The following IYD variants were observed in gnomAD, a reference collection of about 807,000 sequenced individuals.
IYD encodes the protein iodotyrosine deiodinase.
In IYD, 25 loss-of-function variants were observed where a neutral mutation model predicts 28.4. The observed-to-expected ratio is 0.88, with a 90% confidence interval of 0.64 to 1.23. The LOEUF (loss-of-function observed/expected upper bound fraction) is 1.23. IYD is among the 50% of genes most tolerant of loss of function. IYD has a pLI of 0.00. For missense variants in IYD, 352 were observed against 357.9 expected, an observed-to-expected ratio of 0.98 and a Z score of 0.13; for synonymous variants, 140 against 130.8, an observed-to-expected ratio of 1.07 and a Z score of -0.48.
chr6:150,369,721 C>T (rs1342940257), intron 1 of IYD, among the ~76,000 whole-genome samples: 1 of 152,196 alleles, frequency 6.6e-6, no homozygotes, highest in Non-Finnish European at 1.5e-5. Context: ...AACAAAGAGA[C>T]AGACCCGGTG....
At chr6:150,380,297 T>G (rs960170070) in intron 1 of IYD, among the ~76,000 whole-genome samples, 3 of 152,080 alleles carry the variant, frequency 2.0e-5, no homozygotes, top group African/African-American at 7.2e-5. Context: ...GTACCACCAT[T>G]CTCTCCCTAA....
Position 150,369,106 on chromosome 6 carries a change from A to T in IYD, c.75A>T (p.Arg25Ser). The T allele has an allele frequency of 6.2e-7, 1 of 1,613,902 alleles. No individual in the cohort carries two copies. Among genetic ancestry groups the T allele is most frequent in the Non-Finnish European group, 8.5e-7 (1 of 1,179,970 alleles). ...LVVWIFKNAD[R>S]SMEKKKGEPR... ...TGTGGATCTTTAAAAATGCCGACAG[A>T]AGCATGGAGAAAAAGAAGGGGGAGC... Residue 25 changes from arginine to serine, a missense_variant, in exon 1 of 5, where the codon AGA (arginine) becomes AGT (serine). Coordinates refer to ENST00000344419, the MANE Select transcript of IYD (RefSeq NM_203395.3).
At chr6:150,381,229 A>G (rs926135639) in intron 1 of IYD, among the ~76,000 whole-genome samples, 4 of 152,228 alleles carry the variant, frequency 2.6e-5, no homozygotes, top group African/African-American at 9.6e-5. Context: ...TGGTTTTGCT[A>G]TTGTACTTAC....
chr6:150,393,332 G>T (rs1320828859), intron 3 of IYD, among the ~76,000 whole-genome samples: 1 of 152,208 alleles, frequency 6.6e-6, no homozygotes, highest in Non-Finnish European at 1.5e-5. Context: ...GAAAAGAAAT[G>T]ATAATGGTCA....
rs921188896 is a variant in IYD, at chr6:150,400,555, C to G, written c.*2318C>G. ...ATACAGAGGATAAAGAAGTTAATGG[C>G]ATGGTGGAATAACCAAAATGTGTAT... On this transcript the variant is annotated 3_prime_UTR_variant, in exon 5 of 5. Transcript: ENST00000344419. The G allele has an allele frequency of 6.6e-6, 1 of 151,728 alleles. No homozygotes were observed. The highest frequency in any genetic ancestry group is 2.4e-5 in the African/African-American group (1 of 41,124). 9.4% of individuals were successfully genotyped at this position (151,728 alleles called of 1,614,324 possible). A position where few individuals can be genotyped will look rare whatever the true frequency, so the allele number is the denominator to read the frequency against.
intron 3 of IYD, among the ~76,000 whole-genome samples, chr6:150,393,207 T>C (rs1375499542): frequency 6.6e-6 from 1 of 152,200 alleles, no homozygotes; most frequent in Non-Finnish European, 1.5e-5. Context: ...CAAGAGTACA[T>C]TTTATAGAGG....
At chr6:150,373,227 A>G (rs758271751) in intron 1 of IYD, among the ~76,000 whole-genome samples, 19 of 152,244 alleles carry the variant, frequency 1.2e-4, no homozygotes, top group Non-Finnish European at 2.2e-4. Context: ...GTAACATCTG[A>G]GAACAAAAAT....
At position 150,401,293 on chromosome 6, in the gene IYD, T is replaced by G. The variant is rs1778502288; in HGVS notation, c.*3056T>G. 1 of 152,150 alleles carries G rather than the reference T, an allele frequency of 6.6e-6. No individual in the cohort carries two copies. The highest frequency in any genetic ancestry group is 2.4e-5 in the African/African-American group (1 of 41,434). 9.4% of individuals were successfully genotyped at this position (152,150 alleles called of 1,614,324 possible). On this transcript the variant is annotated 3_prime_UTR_variant, in exon 5 of 5. Coordinates refer to ENST00000344419, the MANE Select transcript of IYD (RefSeq NM_203395.3). ...CTTATTTCATTGGGTTGTTTTGGAA[T>G]GTCCCCCACTTGGAGAGTTTGAGGA...
chr6:150,369,097 T>G lies in IYD; in HGVS notation c.66T>G (p.Asn22Lys). 6.2e-7 allele frequency: 1 copy of G among 1,613,730 alleles called. No individual in the cohort carries two copies. The highest frequency in any genetic ancestry group is 1.1e-5 in the South Asian group (1 of 91,048). ...TTTTGGTTGTGTGGATCTTTAAAAA[T>G]GCCGACAGAAGCATGGAGAAAAAGA... Reference protein sequence around the residue: ...LCILVVWIFKNADRSMEKKKG... With the variant: ...LCILVVWIFKKADRSMEKKKG... The change falls in exon 1 of 5, where the codon AAT (asparagine) becomes AAG (lysine). Residue 22 changes from asparagine (N) to lysine (K), a missense_variant. Physicochemically the swap from Asn to Lys is moderately conservative, Grantham distance 94. Transcript: ENST00000344419.
At chr6:150,373,688 C>G (rs116711825) in intron 1 of IYD, among the ~76,000 whole-genome samples, 3,332 of 152,302 alleles carry the variant, frequency 0.022, 57 homozygotes, top group African/African-American at 0.038. Flanking sequence ...TCAGTGCTTT[C>G]TCCCTTCCAC....
intron 1 of IYD, among the ~76,000 whole-genome samples, chr6:150,380,446 G>A (rs778308496): frequency 1.3e-5 from 2 of 152,134 alleles, no homozygotes; most frequent in African/African-American, 2.4e-5. Context: ...TAGGACTTGC[G>A]CTGCTTCTTC....
intron 1 of IYD, among the ~76,000 whole-genome samples, chr6:150,387,969 GA>G (rs1777941807): frequency 6.6e-6 from 1 of 151,828 alleles, no homozygotes; most frequent in Non-Finnish European, 1.5e-5. Flanking sequence ...CCAGTATTTG[GA>G]GTCTTTGGGC....
intron 1 of IYD, among the ~76,000 whole-genome samples, chr6:150,381,622 C>T (rs1777651287): frequency 6.6e-6 from 1 of 152,200 alleles, no homozygotes; most frequent in Non-Finnish European, 1.5e-5. Flanking sequence ...GTCACAACCT[C>T]TTCTATTTCC....
At position 150,392,540 on chromosome 6, in the gene IYD, G is replaced by C. The variant is rs758715436; in HGVS notation, c.530+36G>C. On this transcript the variant is annotated intron_variant, in intron 3 of 4. Transcript: ENST00000344419. ...TGGTGGAACTGGGGATGTTTGCCTT[G>C]GCCTCTTAAAATAAAATCACCACCA... 22 of 1,609,834 alleles carry C rather than the reference G, an allele frequency of 1.4e-5. No homozygotes were observed. In the Admixed American group the frequency reaches 3.2e-4, roughly 23 times the overall value.
chr6:150,382,468 A>G (rs1777681370), intron 1 of IYD, among the ~76,000 whole-genome samples: 1 of 152,146 alleles, frequency 6.6e-6, no homozygotes, highest in Admixed American at 6.5e-5. Context: ...GACAATACTG[A>G]GTTTTAAAAT....
chr6:150,379,328 G>C (rs894544348), intron 1 of IYD, among the ~76,000 whole-genome samples: 5 of 152,168 alleles, frequency 3.3e-5, no homozygotes, highest in African/African-American at 1.2e-4. Context: ...AGCCAGCATC[G>C]TCCCCCAGTC....
Position 150,404,508 on chromosome 6 carries a change from A to C in IYD, c.*6271A>C, listed in dbSNP as rs1778595219. On this transcript the variant is annotated 3_prime_UTR_variant, in exon 5 of 5. Transcript: ENST00000344419. Reference sequence around the variant, plus strand: ...AAATATATGAGAATGTTTTGTCTTAATTGGTTATAATCTTGTCATATCAAT... The same window carrying C: ...AAATATATGAGAATGTTTTGTCTTACTTGGTTATAATCTTGTCATATCAAT... 1 of 152,230 alleles carries C rather than the reference A, an allele frequency of 6.6e-6. No homozygotes were observed. Among genetic ancestry groups the C allele is most frequent in the Admixed American group, 6.5e-5 (1 of 15,284 alleles). 9.4% of individuals were successfully genotyped at this position (152,230 alleles called of 1,614,324 possible).
chr6:150,391,258 C>A (rs1332933315), intron 2 of IYD, among the ~76,000 whole-genome samples: 1 of 151,136 alleles, frequency 6.6e-6, no homozygotes, highest in African/African-American at 2.4e-5. Flanking sequence ...AAAAAGAATT[C>A]CCCAACTGTT....
intron 1 of IYD, among the ~76,000 whole-genome samples, chr6:150,388,331 A>G (rs1777954986): frequency 6.6e-6 from 1 of 152,236 alleles, no homozygotes; most frequent in Non-Finnish European, 1.5e-5. Context: ...AGATATAAAA[A>G]TGGAATTCAA....
Sources: allele counts gnomAD v4.1 joint callset (sites outside exome capture counted in the v4.1 genomes callset), GRCh38; gene constraint gnomAD v4.1.1; transcripts MANE v1.5; gene names NCBI Gene and HGNC (gene_info 2026-07-23, HGNC 2026-07-21).